Variants in ST8SIA2 observed in about 807,000 individuals in gnomAD.
ST8SIA2 encodes the protein ST8 alpha-N-acetyl-neuraminide alpha-2,8-sialyltransferase 2, also known as alpha-2,8-sialyltransferase 8B.
In ST8SIA2, 22 loss-of-function variants were observed where a neutral mutation model predicts 37.6. The ratio of observed to expected loss-of-function variants is 0.58; its 90% confidence interval spans 0.42 to 0.83. ST8SIA2 has a LOEUF of 0.83. Ranked by LOEUF, ST8SIA2 falls within the 40% of genes least tolerant of loss-of-function variation. The pLI, the probability that ST8SIA2 is intolerant of heterozygous loss-of-function variation, is 0.00. For missense variants in ST8SIA2, 382 were observed against 484.7 expected (o/e 0.79, Z 1.99); for synonymous variants, 205 against 201.2 (o/e 1.02, Z -0.16).
chr15:92,462,230 TG>T (rs567418640), intron 5 of ST8SIA2, among the ~76,000 whole-genome samples: 27 of 152,210 alleles, frequency 1.8e-4, no homozygotes, highest in East Asian at 1.2e-3. Flanking sequence ...ATAGTCGGGA[TG>T]GGGGGTGTGA....
At chr15:92,455,601 C>G (rs919738280) in intron 5 of ST8SIA2, among the ~76,000 whole-genome samples, 1 of 152,170 alleles carries the variant, frequency 6.6e-6, no homozygotes, top group Non-Finnish European at 1.5e-5. Flanking sequence ...TTGACACACA[C>G]CACCTCATTC....
At chr15:92,397,344 AT>A (rs2049439271) in intron 1 of ST8SIA2, among the ~76,000 whole-genome samples, 1 of 152,146 alleles carries the variant, frequency 6.6e-6, no homozygotes, top group African/African-American at 2.4e-5. Flanking sequence ...GTTATACATC[AT>A]GAATTGAGGG....
At chr15:92,396,892 G>A (rs11857396) in intron 1 of ST8SIA2, among the ~76,000 whole-genome samples, 45,421 of 152,134 alleles carry the variant, frequency 0.3, 8,221 homozygotes, top group Non-Finnish European at 0.4. Context: ...AGTGAGGGGC[G>A]TCAAGAGGGC....
chr15:92,449,949 G>T (rs2049870328), intron 5 of ST8SIA2, among the ~76,000 whole-genome samples: 2 of 152,158 alleles, frequency 1.3e-5, no homozygotes, highest in South Asian at 2.1e-4. Flanking sequence ...TCTGTAGGTT[G>T]TCTGCATTTT....
At chr15:92,412,203 A>G (rs970242628) in intron 1 of ST8SIA2, among the ~76,000 whole-genome samples, 2 of 152,226 alleles carry the variant, frequency 1.3e-5, no homozygotes, top group East Asian at 3.9e-4. Context: ...TGAGGGGTGG[A>G]GGCAGGCAGG....
rs139386848 is a variant in ST8SIA2, at chr15:92,441,722, G to A, written c.549-2914G>A. Among the ~76,000 whole-genome samples the A allele has an allele frequency of 4.3e-4, 66 of 152,104 alleles. 1 individual carries two copies. In the East Asian group the frequency reaches 0.012, roughly 28 times the overall value. On this transcript the variant is annotated intron_variant, in intron 4 of 5. Coordinates refer to ENST00000268164, the MANE Select transcript of ST8SIA2 (RefSeq NM_006011.4). ...TTACCATTTTTTGGCCACTTTGAAC[G>A]TACCAGGTGCTATTCTATGTACTTC...
intron 5 of ST8SIA2, among the ~76,000 whole-genome samples, chr15:92,459,824 T>G (rs1294639922): frequency 6.6e-6 from 1 of 152,174 alleles, no homozygotes; most frequent in African/African-American, 2.4e-5. Flanking sequence ...ACTCCTGACC[T>G]CAGGTGATCC....
rs554247196 is a variant in ST8SIA2, at chr15:92,398,193, A to C, written c.98+4031A>C. Among the ~76,000 whole-genome samples the C allele has an allele frequency of 7.2e-5, 11 of 152,354 alleles. No individual in the cohort carries two copies. The South Asian group carries it at 2.1e-3, about 29-fold the overall frequency. ...AAACTCACTGAGCCTTGGGACAAGA[A>C]GAGAGCATAGGGCTCTCCCTGTAGA... On this transcript the variant is annotated intron_variant, in intron 1 of 5. Coordinates refer to ENST00000268164, the MANE Select transcript of ST8SIA2 (RefSeq NM_006011.4).
chr15:92,430,088 C>G lies in ST8SIA2; in HGVS notation c.138C>G (p.Asn46Lys). The G allele has an allele frequency of 6.2e-7, 1 of 1,614,166 alleles. No homozygotes were observed. Among genetic ancestry groups the G allele is most frequent in the Middle Eastern group, 1.7e-4 (1 of 6,006 alleles). ...GGRGTIRSAVNSLHSKSNRAE... is the reference protein window; with the variant it reads ...GGRGTIRSAVKSLHSKSNRAE... ...GAGGTACAATCAGATCAGCTGTGAACAGCTTACATAGCAAATCTAATAGGT... is the reference window on the plus strand; with the variant it reads ...GAGGTACAATCAGATCAGCTGTGAAGAGCTTACATAGCAAATCTAATAGGT... Residue 46 changes from asparagine to lysine, a missense_variant, in exon 2 of 6, where the codon AAC (asparagine) becomes AAG (lysine). Transcript: ENST00000268164.
chr15:92,420,132 TG>T (rs1445286302), intron 1 of ST8SIA2, among the ~76,000 whole-genome samples: 1 of 152,208 alleles, frequency 6.6e-6, no homozygotes, highest in Non-Finnish European at 1.5e-5. Context: ...CCCAAAGTGC[TG>T]GGATTACAAG....
intron 1 of ST8SIA2, among the ~76,000 whole-genome samples, chr15:92,407,558 A>C (rs186785889): frequency 6.6e-6 from 1 of 152,328 alleles, no homozygotes; most frequent in East Asian, 1.9e-4. Context: ...ATGCAGTCAC[A>C]GTTCCCTAGA....
intron 1 of ST8SIA2, among the ~76,000 whole-genome samples, chr15:92,396,654 A>C (rs554986489): frequency 5.8e-4 from 88 of 151,696 alleles, no homozygotes; most frequent in Non-Finnish European, 9.7e-4. Flanking sequence ...CCACCACACC[A>C]GGCTAATTTT....
At chr15:92,446,321 G>A (rs1333983033) in intron 5 of ST8SIA2, among the ~76,000 whole-genome samples, 1 of 152,168 alleles carries the variant, frequency 6.6e-6, no homozygotes, top group African/African-American at 2.4e-5. Context: ...GTACATGGTG[G>A]CCCAGGCTCT....
intron 5 of ST8SIA2, among the ~76,000 whole-genome samples, chr15:92,453,769 A>C (rs1442405536): frequency 6.6e-6 from 1 of 152,194 alleles, no homozygotes; most frequent in Non-Finnish European, 1.5e-5. Flanking sequence ...TTACTCAGCA[A>C]ATACTCTTTA....
intron 2 of ST8SIA2, among the ~76,000 whole-genome samples, chr15:92,431,369 T>G (rs1303027954): frequency 6.6e-6 from 1 of 152,238 alleles, no homozygotes. Context: ...CCTCTGAGCC[T>G]TGGCTTCCCC....
At chr15:92,402,503 T>G (rs2049479039) in intron 1 of ST8SIA2, among the ~76,000 whole-genome samples, 1 of 152,150 alleles carries the variant, frequency 6.6e-6, no homozygotes, top group African/African-American at 2.4e-5. Flanking sequence ...CAAAAAACGA[T>G]GTCTTAAATG....
At chr15:92,394,400 G>C (rs912314292) in intron 1 of ST8SIA2, among the ~76,000 whole-genome samples, 1 of 152,110 alleles carries the variant, frequency 6.6e-6, no homozygotes, top group African/African-American at 2.4e-5. Flanking sequence ...GAAGCCCCCA[G>C]CTGGCCCGCG....
chr15:92,412,785 G>A (rs2049558985), intron 1 of ST8SIA2, among the ~76,000 whole-genome samples: 1 of 152,158 alleles, frequency 6.6e-6, no homozygotes, highest in Non-Finnish European at 1.5e-5. Flanking sequence ...AGCCTCCCAA[G>A]CAGCTGGGAT....
At chr15:92,402,383 T>A (rs1319334937) in intron 1 of ST8SIA2, among the ~76,000 whole-genome samples, 1 of 152,168 alleles carries the variant, frequency 6.6e-6, no homozygotes, top group Non-Finnish European at 1.5e-5. Flanking sequence ...GTTATTATTA[T>A]CTCCCTTTTA....
Sources: gnomAD v4.1 joint callset for allele counts (sites outside exome capture counted in the v4.1 genomes callset) on GRCh38, gnomAD v4.1.1 for gene constraint, MANE v1.5 for transcripts, NCBI Gene and HGNC (gene_info 2026-07-23, HGNC 2026-07-21) for gene names.